URI1: variants seen among roughly 807,000 people sequenced by gnomAD.
URI1 encodes URI1 prefoldin like chaperone, also known as unconventional prefoldin RPB5 interactor 1.
URI1 carries 39 observed loss-of-function variants against 60.2 expected under a neutral mutation model. The observed-to-expected ratio is 0.65, with a 90% confidence interval of 0.50 to 0.85. URI1 has a LOEUF of 0.85. Among genes scored for constraint, URI1 ranks in the 40% least tolerant of loss-of-function variants. URI1 has a pLI of 0.00. For missense variants in URI1, 691 were observed against 665.9 expected, an observed-to-expected ratio of 1.04 and a Z score of -0.42; for synonymous variants, 251 against 236.8, an observed-to-expected ratio of 1.06 and a Z score of -0.55.
At chr19:30,007,030 T>C (rs1177630447) in intron 6 of URI1, among the ~76,000 whole-genome samples, 1 of 152,136 alleles carries the variant, frequency 6.6e-6, no homozygotes, top group Non-Finnish European at 1.5e-5. Flanking sequence ...TTTTGCACGT[T>C]ACTGTAGTAA....
intron 2 of URI1, among the ~76,000 whole-genome samples, chr19:29,977,518 G>C (rs1048787506): frequency 3.3e-5 from 5 of 150,006 alleles, no homozygotes; most frequent in African/African-American, 1.2e-4. Flanking sequence ...CTGTTTTGTA[G>C]AGGGCCTTCT....
intron 1 of URI1, among the ~76,000 whole-genome samples, chr19:29,963,567 G>A (rs972697631): frequency 2.0e-5 from 3 of 152,080 alleles, no homozygotes; most frequent in African/African-American, 7.2e-5. Flanking sequence ...GATTGCATGT[G>A]TGTTTGGTTC....
intron 4 of URI1, among the ~76,000 whole-genome samples, chr19:29,986,861 T>C (rs2055677787): frequency 6.6e-6 from 1 of 152,196 alleles, no homozygotes; most frequent in African/African-American, 2.4e-5. Context: ...AAAATGCTTT[T>C]TGGTTTGGAA....
In URI1 at chr19:29,936,051, G is replaced by A. The variant is rs536831883; in HGVS notation, c.63+12297G>A. 2.6e-5 allele frequency among the ~76,000 whole-genome samples: 4 copies of A among 152,206 alleles called. No individual in the cohort carries two copies. The South Asian group carries it at 8.3e-4, about 31-fold the overall frequency. ...TCCACCTGCCTTGGCCTCCCAAAGT[G>A]CTGGGATTATAGGCGTGAGCCACTG... On this transcript the variant is annotated intron_variant, in intron 1 of 10. Transcript: ENST00000360605.
In URI1 at chr19:29,942,519, C is replaced by G; in HGVS notation, c.-29C>G. On this transcript the variant is annotated 5_prime_UTR_variant, in exon 1 of 11. Transcript: ENST00000392271. ...TGCGCAGGCGCTGGTTCAGGACTCA[C>G]ACGCCGCGCTGAGGCCCGCGGGCCC... 7.4e-7 allele frequency: 1 copy of G among 1,350,308 alleles called. No homozygotes were observed. The highest frequency in any genetic ancestry group is 9.5e-7 in the Non-Finnish European group (1 of 1,049,644). 83.6% of individuals were successfully genotyped at this position (1,350,308 alleles called of 1,614,324 possible).
intron 4 of URI1, among the ~76,000 whole-genome samples, chr19:29,993,435 T>C (rs1181992862): frequency 6.6e-6 from 1 of 152,332 alleles, no homozygotes; most frequent in South Asian, 2.1e-4. Context: ...TTTAGTCTTG[T>C]TTAATGTTGT....
chr19:29,967,088 T>G (rs1041774082), intron 1 of URI1, among the ~76,000 whole-genome samples: 5 of 152,198 alleles, frequency 3.3e-5, no homozygotes, highest in African/African-American at 1.2e-4. Flanking sequence ...AATGAAAATT[T>G]TAAGTACTGG....
At chr19:29,932,378 G>A (rs952173309) in intron 1 of URI1, among the ~76,000 whole-genome samples, 4 of 151,692 alleles carry the variant, frequency 2.6e-5, no homozygotes, top group Non-Finnish European at 5.9e-5. Context: ...GTGCAGTGGT[G>A]TGATCTCAGC....
chr19:29,926,964 C>T lies in URI1; in HGVS notation c.63+3210C>T, dbSNP rs115535303. 3.7e-3 allele frequency among the ~76,000 whole-genome samples: 556 copies of T among 152,244 alleles called. 6 individuals carry two copies. The highest frequency in any genetic ancestry group is 0.013 in the African/African-American group (534 of 41,546). On this transcript the variant is annotated intron_variant, in intron 1 of 10. Coordinates refer to the URI1 transcript ENST00000360605. The stretch of plus-strand genomic sequence containing the variant: ...GGCTCTGCCTGGGAGCTTGAGGATG[C>T]GAATGAATTGGAGACACAAAGACCA...
chr19:29,944,274 A>G (rs929785418), intron 1 of URI1, among the ~76,000 whole-genome samples: 2 of 148,264 alleles, frequency 1.3e-5, no homozygotes, highest in Non-Finnish European at 3.0e-5. Context: ...AAGAAGAAAG[A>G]AAAAACAGCC....
intron 3 of URI1, among the ~76,000 whole-genome samples, chr19:29,986,001 A>G (rs193115815): frequency 6.6e-6 from 1 of 152,244 alleles, no homozygotes; most frequent in Non-Finnish European, 1.5e-5. Context: ...AAGTATAAAC[A>G]TGCCGAGACA....
In URI1 at chr19:29,967,450, C is replaced by G. The variant is rs529649981; in HGVS notation, c.118-3743C>G. On this transcript the variant is annotated intron_variant, in intron 1 of 10. Transcript: ENST00000392271. ...TACACAGATATACTAGTAAATGATGCTTGGGAAATGTGTTTATACTTGTTT... is the reference window on the plus strand; with the variant it reads ...TACACAGATATACTAGTAAATGATGGTTGGGAAATGTGTTTATACTTGTTT... Among the ~76,000 whole-genome samples the G allele has an allele frequency of 2.0e-5, 3 of 152,278 alleles. No individual in the cohort carries two copies. In the South Asian group the frequency reaches 6.2e-4, roughly 32 times the overall value.
upstream of URI1, among the ~76,000 whole-genome samples, chr19:29,939,716 G>A (rs2055005111): frequency 6.6e-6 from 1 of 152,220 alleles, no homozygotes; most frequent in South Asian, 2.1e-4. Flanking sequence ...TGAGGCCTGA[G>A]TAATGGCAAG....
In URI1 at chr19:30,015,659, T is replaced by A. The variant is rs1599732261; in HGVS notation, c.*590T>A. On this transcript the variant is annotated 3_prime_UTR_variant, in exon 11 of 11. Coordinates refer to ENST00000392271, the MANE Select transcript of URI1 (RefSeq NM_003796.3). ...GGAAAATTTCTTTGGAAAGATATTT[T>A]GTAAAACTTTTTTTTCCAAGTAAAA... 1.4e-6 allele frequency: 2 copies of A among 1,402,444 alleles called. No individual in the cohort carries two copies. The highest frequency in any genetic ancestry group is 5.0e-5 in the East Asian group (2 of 39,956). The allele number at this position is 1,402,444 out of a possible 1,614,324, so 86.9% of individuals were successfully genotyped here. A position where few individuals can be genotyped will look rare whatever the true frequency, so the allele number is the denominator to read the frequency against.
chr19:29,927,355 C>G (rs1361933925), intron 1 of URI1, among the ~76,000 whole-genome samples: 2 of 151,270 alleles, frequency 1.3e-5, no homozygotes, highest in Admixed American at 6.6e-5. Flanking sequence ...CCTCTGCCTC[C>G]CAGGTTCAAG....
At chr19:29,959,430 G>A (rs753616384) in intron 1 of URI1, among the ~76,000 whole-genome samples, 5 of 152,206 alleles carry the variant, frequency 3.3e-5, no homozygotes, top group South Asian at 2.1e-4. Flanking sequence ...TGCCTGGCTC[G>A]TACTGTTTCT....
chr19:29,937,108 C>A (rs1023092569), intron 1 of URI1, among the ~76,000 whole-genome samples: 3 of 152,184 alleles, frequency 2.0e-5, no homozygotes, highest in Non-Finnish European at 2.9e-5. Context: ...ATTGCCTTAT[C>A]TTCAAGTTCA....
chr19:29,941,047 T>C (rs1190748247), upstream of URI1, among the ~76,000 whole-genome samples: 2 of 152,192 alleles, frequency 1.3e-5, no homozygotes, highest in African/African-American at 2.4e-5. Context: ...CCTTGCTTTC[T>C]TCCTTTGAAG....
At chr19:29,952,145 A>G (rs1049174831) in intron 1 of URI1, among the ~76,000 whole-genome samples, 1 of 152,228 alleles carries the variant, frequency 6.6e-6, no homozygotes, top group Admixed American at 6.5e-5. Flanking sequence ...TATATTTTTA[A>G]GTAATTTTTG....
Sources: allele counts gnomAD v4.1 joint callset (sites outside exome capture counted in the v4.1 genomes callset), GRCh38; gene constraint gnomAD v4.1.1; transcripts MANE v1.5; gene names NCBI Gene and HGNC (gene_info 2026-07-23, HGNC 2026-07-21).